The following PLD5 variants were observed in gnomAD, a reference collection of about 807,000 sequenced individuals.
PLD5 encodes inactive phospholipase D5.
A neutral mutation model predicts 61.1 loss-of-function variants in PLD5; 36 were observed. The observed-to-expected ratio is 0.59, with a 90% CI of 0.45 to 0.78. PLD5 has a LOEUF of 0.78. PLD5 is among the 30% of genes least tolerant of loss of function. The probability of loss-of-function intolerance (pLI) is 0.00; values close to 1 mark genes in which losing one functional copy is unlikely to be tolerated. For missense variants in PLD5, 515 were observed against 644.4 expected (o/e 0.80, Z 2.17); for synonymous variants, 243 against 242.8 (o/e 1.00, Z -0.01).
intron 5 of PLD5, among the ~76,000 whole-genome samples, chr1:242,163,238 G>T (rs1666009316): frequency 6.7e-6 from 1 of 148,440 alleles, no homozygotes; most frequent in Non-Finnish European, 1.5e-5. Context: ...CCGCCTCCCG[G>T]GTTCATGCCA....
intron 8 of PLD5, 137 bp downstream of exon 8, chr1:242,107,534 A>C: frequency 1.2e-6 from 1 of 844,516 alleles, no homozygotes; most frequent in South Asian, 2.6e-5. Flanking sequence ...TTTTGAAAAA[A>C]TTACTTAACG....
intron 7 of PLD5, among the ~76,000 whole-genome samples, chr1:242,112,634 T>C (rs1386804414): frequency 6.6e-6 from 1 of 152,180 alleles, no homozygotes; most frequent in Admixed American, 6.5e-5. Context: ...TGTAATCCTA[T>C]GGTTATTTGC....
At position 242,509,265 on chromosome 1, in the gene PLD5, G is replaced by C. The variant is rs191305230; in HGVS notation, c.189+14823C>G. Among the ~76,000 whole-genome samples, 71 of 152,046 alleles carry C rather than the reference G, an allele frequency of 4.7e-4. No individual in the cohort carries two copies. In the South Asian group the frequency reaches 9.4e-3, roughly 20 times the overall value. On this transcript the variant is annotated intron_variant, in intron 1 of 9. Coordinates refer to ENST00000536534, the MANE Select transcript of PLD5 (RefSeq NM_001372062.1). ...GTGATGGCATGCACCTGTAGTCCCA[G>C]CTACTCGGGAGGCTGAGGCAGGAGA...
chr1:242,203,432 GTGTT>G (rs1669114354), intron 5 of PLD5: 1 of 152,156 alleles, frequency 6.6e-6, no homozygotes, highest in Admixed American at 6.5e-5. Flanking sequence ...TGTAATCTGG[GTGTT>G]TGTTCCCTCC....
At chr1:242,306,760 C>T (rs868273007) in intron 2 of PLD5, among the ~76,000 whole-genome samples, 3,058 of 122,302 alleles carry the variant, frequency 0.025, 118 homozygotes, top group African/African-American at 0.074. Flanking sequence ...CACACACACA[C>T]ACACACACAC....
upstream of PLD5, among the ~76,000 whole-genome samples, chr1:242,527,114 C>CTTTT (rs530334746): frequency 8.9e-3 from 639 of 71,954 alleles, 50 homozygotes; most frequent in Non-Finnish European, 0.012. Context: ...CTATCTCCTT[C>CTTTT]TTTTTTTTTT....
At chr1:242,236,994 G>A (rs1671678558) in intron 4 of PLD5, among the ~76,000 whole-genome samples, 1 of 152,188 alleles carries the variant, frequency 6.6e-6, no homozygotes, top group African/African-American at 2.4e-5. Flanking sequence ...CCAGGATACT[G>A]AAAAATTGTT....
At chr1:242,232,514 A>AT (rs553638400) in intron 4 of PLD5, among the ~76,000 whole-genome samples, 46 of 149,588 alleles carry the variant, frequency 3.1e-4, no homozygotes, top group Middle Eastern at 6.8e-3. Flanking sequence ...TATGTGCTGC[A>AT]TTTTTTTTTT....
At chr1:242,404,776 C>T (rs186169557) in intron 1 of PLD5, among the ~76,000 whole-genome samples, 2 of 150,142 alleles carry the variant, frequency 1.3e-5, no homozygotes, top group Admixed American at 1.3e-4. Context: ...AGTTTCCAAA[C>T]CCCTAATATC....
intron 5 of PLD5, among the ~76,000 whole-genome samples, chr1:242,148,393 ATAG>A (rs1235616225): frequency 2.0e-5 from 3 of 151,476 alleles, no homozygotes; most frequent in African/African-American, 7.3e-5. Flanking sequence ...TAAACTTAGT[ATAG>A]TAGGTCAGAA....
chr1:242,215,997 G>A (rs542591966), intron 5 of PLD5, among the ~76,000 whole-genome samples: 9 of 152,134 alleles, frequency 5.9e-5, no homozygotes, highest in South Asian at 4.2e-4. Context: ...TCCCTTCCCC[G>A]CTTCTAACAA....
intron 3 of PLD5, among the ~76,000 whole-genome samples, chr1:242,285,856 C>A (rs1183458540): frequency 6.6e-6 from 1 of 151,988 alleles, no homozygotes; most frequent in Admixed American, 6.6e-5. Context: ...ACCTATAATC[C>A]CAACACTTTG....
intron 2 of PLD5, among the ~76,000 whole-genome samples, chr1:242,319,036 G>A (rs1399762207): frequency 1.3e-5 from 2 of 152,048 alleles, no homozygotes; most frequent in Non-Finnish European, 2.9e-5. Flanking sequence ...GCAGAATTGG[G>A]GCAGGAGGGG....
At chr1:242,392,572 C>CT (rs540086805) in intron 1 of PLD5, among the ~76,000 whole-genome samples, 44 of 152,268 alleles carry the variant, frequency 2.9e-4, no homozygotes, top group African/African-American at 1.0e-3. Context: ...TTGTCCATGG[C>CT]AGCACTGCTC....
intron 4 of PLD5, among the ~76,000 whole-genome samples, chr1:242,249,060 G>A (rs1423546778): frequency 6.6e-6 from 1 of 152,066 alleles, no homozygotes; most frequent in Non-Finnish European, 1.5e-5. Context: ...AGGTCGCAGT[G>A]GGCCAAGATG....
chr1:242,096,739 TTTTTTA>T (rs1166391573), intron 9 of PLD5, among the ~76,000 whole-genome samples: 2 of 151,862 alleles, frequency 1.3e-5, no homozygotes, highest in East Asian at 1.9e-4. Context: ...TGGACTTTTA[TTTTTTA>T]TTTTTATTTT....
At chr1:242,116,940 G>A (rs945133818) in intron 6 of PLD5, among the ~76,000 whole-genome samples, 3 of 152,156 alleles carry the variant, frequency 2.0e-5, no homozygotes, top group Non-Finnish European at 4.4e-5. Flanking sequence ...AAGATAGAAA[G>A]CGTGTGCCTC....
chr1:242,145,264 C>T (rs1317448717), intron 5 of PLD5, among the ~76,000 whole-genome samples: 1 of 152,154 alleles, frequency 6.6e-6, no homozygotes, highest in East Asian at 1.9e-4. Flanking sequence ...AGAACCATCT[C>T]ACAGAAATAA....
At chr1:242,230,485 T>G (rs1034625889) in intron 4 of PLD5, among the ~76,000 whole-genome samples, 1 of 152,208 alleles carries the variant, frequency 6.6e-6, no homozygotes, top group African/African-American at 2.4e-5. Context: ...TATTAATTTG[T>G]GTGAACAATG....
Sources: gnomAD v4.1 joint callset for allele counts (sites outside exome capture counted in the v4.1 genomes callset) on GRCh38, gnomAD v4.1.1 for gene constraint, MANE v1.5 for transcripts, NCBI Gene and HGNC (gene_info 2026-07-23, HGNC 2026-07-21) for gene names.